RARG: variants seen among roughly 807,000 people sequenced by gnomAD.
RARG encodes the protein retinoic acid receptor gamma.
A neutral mutation model predicts 43.7 loss-of-function variants in RARG; 17 were observed. The ratio of observed to expected loss-of-function variants is 0.39; its 90% CI spans 0.27 to 0.58. RARG has a LOEUF of 0.58. Among genes scored for constraint, RARG ranks in the 20% least tolerant of loss-of-function variants. The probability of loss-of-function intolerance (pLI) is 0.57; values close to 1 mark genes in which losing one functional copy is unlikely to be tolerated. For synonymous variants in RARG, 238 were observed against 236.4 expected, an observed-to-expected ratio of 1.01 and a Z score of -0.06; for missense variants, 346 against 598.7, an observed-to-expected ratio of 0.58 and a Z score of 4.40.
Position 53,213,221 on chromosome 12 carries a change from G to T in RARG, c.1041C>A (p.Pro347=), listed in dbSNP as rs545467606. ...GCTCCTGCAGCTTGTCCACTTTTTC[G>T]GGCTCCTCCAGGTCCATGCGGTCTA... The part of the protein sequence containing the change: ...ICGDRMDLEE[P]EKVDKLQEPL... Residue 347 remains proline (P), a synonymous_variant, in exon 9 of 10, where the codon CCC becomes CCA. Transcript: ENST00000425354. The surrounding 1 kb of genome is among the most constrained non-coding windows in gnomAD (Gnocchi z 4.7). The T allele has an allele frequency of 8.1e-6, 13 of 1,598,430 alleles. No homozygotes were observed. Among genetic ancestry groups the T allele is most frequent in the Admixed American group, 1.7e-5 (1 of 59,938 alleles).
At chr12:53,219,803 G>C (rs1037754851) in intron 3 of RARG, 1 of 687,212 alleles carries the variant, frequency 1.5e-6, no homozygotes, top group African/African-American at 1.9e-5. Context: ...AGGAGACGCT[G>C]AGGCCCCCAC....
In RARG at chr12:53,227,363, C is replaced by T; in HGVS notation, c.183G>A (p.Leu61=). 1.3e-6 allele frequency: 2 copies of T among 1,559,224 alleles called. No homozygotes were observed. Among genetic ancestry groups the T allele is most frequent in the Non-Finnish European group, 1.7e-6 (2 of 1,153,740 alleles). The change falls in exon 3 of 10, where the codon CTG becomes CTA. Residue 61 remains leucine, a splice_region_variant and synonymous_variant. Coordinates refer to ENST00000425354, the MANE Select transcript of RARG (RefSeq NM_000966.6). The surrounding 1 kb of genome is among the most constrained non-coding windows in gnomAD (Gnocchi z 4.3). ...TTCCCCAAGATCCCTGAGACTCACA[C>T]AGAGAGGCCATCTCCTTGGGGAGGT... ...QPDLPKEMAS[L]SVETQSTSSE...
In RARG at chr12:53,227,992, G is replaced by A. The variant is rs1391772010; in HGVS notation, c.-142-305C>T. Among the ~76,000 whole-genome samples, 1 of 152,204 alleles carries A rather than the reference G, an allele frequency of 6.6e-6. No homozygotes were observed. Among genetic ancestry groups the A allele is most frequent in the African/African-American group, 2.4e-5 (1 of 41,440 alleles). On this transcript the variant is annotated intron_variant, in intron 2 of 9. Transcript: ENST00000425354. This position sits in a 1 kb window ranked among gnomAD's most constrained non-coding sequence, Gnocchi z 4.3. ...TCATGAATCACCACAACTGGGCTAAGCATTTGACCTAAACCTCACATCAGT... is the reference window on the plus strand; with the variant it reads ...TCATGAATCACCACAACTGGGCTAAACATTTGACCTAAACCTCACATCAGT...
chr12:53,220,080 C>G (rs1282363648), intron 3 of RARG: 1 of 1,549,838 alleles, frequency 6.5e-7, no homozygotes, highest in African/African-American at 1.4e-5. Context: ...CCGGGGCAAA[C>G]GTTTCCATAC....
In RARG at chr12:53,214,473, C is replaced by A; in HGVS notation, c.609G>T (p.Ser203=). ...TGGTATACTTGCCCAGCTGGCAGAG[C>A]GAGGGGAAAGTCTCCTGATGGGCTT... ...VSKAHQETFP[S]LCQLGKYTTN... The change falls in exon 6 of 10, where the codon TCG becomes TCT. Residue 203 remains serine, a synonymous_variant. Transcript: ENST00000425354. The A allele has an allele frequency of 6.2e-7, 1 of 1,613,378 alleles. No individual in the cohort carries two copies. The highest frequency in any genetic ancestry group is 8.5e-7 in the Non-Finnish European group (1 of 1,179,408).
Position 53,231,963 on chromosome 12 carries a change from G to C in RARG, c.-210+11C>G. 2.5e-6 allele frequency: 1 copy of C among 395,678 alleles called. No homozygotes were observed. The highest frequency in any genetic ancestry group is 4.4e-5 in the Admixed American group (1 of 22,682). The allele number at this position is 395,678 out of a possible 1,614,324, so 24.5% of individuals were successfully genotyped here. On this transcript the variant is annotated intron_variant, in intron 1 of 9. Coordinates refer to ENST00000425354, the MANE Select transcript of RARG (RefSeq NM_000966.6). ...ACGGGGCGGGCGAGCCTGCTTCCCC[G>C]CCTGACTCACCTGGAGTGGGAGGGG...
intron 3 of RARG, among the ~76,000 whole-genome samples, chr12:53,222,625 T>G (rs1027805225): frequency 6.6e-6 from 1 of 152,148 alleles, no homozygotes; most frequent in African/African-American, 2.4e-5. Flanking sequence ...CTTCACCAGA[T>G]GCACCCCACT....
intron 3 of RARG, among the ~76,000 whole-genome samples, chr12:53,222,004 G>T (rs1942979835): frequency 6.7e-6 from 1 of 150,352 alleles, no homozygotes; most frequent in Non-Finnish European, 1.5e-5. Context: ...GCGAGGGATG[G>T]CGGGCGCGGG....
chr12:53,216,474 C>T (rs1942764092), intron 3 of RARG, among the ~76,000 whole-genome samples: 2 of 152,124 alleles, frequency 1.3e-5, no homozygotes, highest in Admixed American at 1.3e-4. Flanking sequence ...AGAGGATGCA[C>T]CACAGCCTTG....
chr12:53,231,950 A>T, intron 1 of RARG, 24 bp downstream of exon 1: 1 of 394,900 alleles, frequency 2.5e-6, no homozygotes, highest in Non-Finnish European at 4.5e-6. Flanking sequence ...GGGGCGGGCG[A>T]GCCTGCTTCC....
intron 3 of RARG, among the ~76,000 whole-genome samples, chr12:53,220,941 C>A (rs1476240795): frequency 6.6e-6 from 1 of 152,010 alleles, no homozygotes; most frequent in East Asian, 1.9e-4. Flanking sequence ...TCGCCCTCCG[C>A]GCGCCCGCTT....
rs920862682 is a variant in RARG at position 53,222,310 on chromosome 12, A to G, written c.184+5052T>C. On this transcript the variant is annotated intron_variant, in intron 3 of 9. Transcript: ENST00000425354. ...GGAGGAGAAAGAAAGAGAGAGAGAG[A>G]GAGAGAAAGAAAGAACTTTCTGAAT... is the stretch of plus-strand genomic sequence containing the variant. 3.0e-4 allele frequency among the ~76,000 whole-genome samples: 45 copies of G among 152,254 alleles called. 1 individual carries two copies. The highest frequency in any genetic ancestry group is 1.0e-3 in the African/African-American group (43 of 41,530).
At chr12:53,214,936 G>A in intron 5 of RARG, 1 of 412,844 alleles carries the variant, frequency 2.4e-6, no homozygotes, top group Non-Finnish European at 4.4e-6. Flanking sequence ...CACAATGGGG[G>A]CGAGGGGGGG....
intron 3 of RARG, among the ~76,000 whole-genome samples, chr12:53,218,900 T>C (rs1164957911): frequency 6.6e-6 from 1 of 151,642 alleles, no homozygotes; most frequent in African/African-American, 2.4e-5. Flanking sequence ...CAGGGTAAAT[T>C]TGGGGGGTGT....
intron 3 of RARG, chr12:53,220,078 A>G (rs759275634): frequency 6.5e-7 from 1 of 1,549,952 alleles, no homozygotes. Context: ...ACCCGGGGCA[A>G]ACGTTTCCAT....
At chr12:53,218,739 G>A (rs1475154405) in intron 3 of RARG, among the ~76,000 whole-genome samples, 1 of 151,820 alleles carries the variant, frequency 6.6e-6, no homozygotes, top group South Asian at 2.1e-4. Flanking sequence ...AAGGAGCGAG[G>A]CGCGTTGGCG....
At chr12:53,219,115 G>A (rs1942869735) in intron 3 of RARG, among the ~76,000 whole-genome samples, 1 of 152,164 alleles carries the variant, frequency 6.6e-6, no homozygotes, top group Non-Finnish European at 1.5e-5. Context: ...TGGGGACCCA[G>A]TAATGGTGCT....
intron 3 of RARG, among the ~76,000 whole-genome samples, chr12:53,216,841 T>TGTGTGTGTGTGTGCGCGCGC (rs1430491578): frequency 7.7e-6 from 1 of 129,384 alleles, no homozygotes; most frequent in African/African-American, 3.4e-5. Flanking sequence ...TGTGTGTGTG[T>TGTGTGTGTGTGTGCGCGCGC]GCGCGCGCGC....
intron 3 of RARG, among the ~76,000 whole-genome samples, chr12:53,218,988 A>G (rs924628572): frequency 6.6e-6 from 1 of 151,392 alleles, no homozygotes; most frequent in Middle Eastern, 3.2e-3. Flanking sequence ...GCCGCCTCTC[A>G]TCTGGACTTC....
Sources: allele counts gnomAD v4.1 joint callset (sites outside exome capture counted in the v4.1 genomes callset), GRCh38; gene constraint gnomAD v4.1.1; non-coding constraint Gnocchi (gnomAD v3.1); transcripts MANE v1.5; gene names NCBI Gene and HGNC (gene_info 2026-07-23, HGNC 2026-07-21).